RPH3A: variants seen among roughly 807,000 people sequenced by gnomAD.
The protein encoded by RPH3A is rabphilin-3A.
A neutral mutation model predicts 102.2 loss-of-function variants in RPH3A; 48 were observed. That is an observed-to-expected ratio of 0.47 (90% confidence interval 0.37 to 0.60). The LOEUF (loss-of-function observed/expected upper bound fraction) is 0.60, where lower values mean the gene tolerates loss of function less well. Ranked by LOEUF, RPH3A falls within the 20% of genes least tolerant of loss-of-function variation. RPH3A has a pLI of 0.00. For missense variants in RPH3A, 781 were observed against 910.1 expected (o/e 0.86, Z 1.83); for synonymous variants, 310 against 324.3 (o/e 0.96, Z 0.47).
At chr12:112,674,093 T>C (rs539928251) in intron 1 of RPH3A, among the ~76,000 whole-genome samples, 1 of 152,296 alleles carries the variant, frequency 6.6e-6, no homozygotes, top group East Asian at 1.9e-4. Context: ...GGTCTCTGTT[T>C]GTCACCCAGG....
At chr12:112,894,723 A>G (rs1019527988) in intron 20 of RPH3A, 64 bp downstream of exon 20, 1 of 1,339,984 alleles carries the variant, frequency 7.5e-7, no homozygotes, top group East Asian at 2.4e-5. Context: ...AGGCACAAAT[A>G]GCCACATAGC....
At chr12:112,881,667 T>G (rs1398018767) in intron 14 of RPH3A, 105 bp from the exon 15 acceptor site, 3 of 711,308 alleles carry the variant, frequency 4.2e-6, no homozygotes, top group African/African-American at 3.6e-5. Flanking sequence ...GCACACAGCG[T>G]GGACCAACAG....
chr12:112,608,638 A>G (rs2039616564), intron 1 of RPH3A, among the ~76,000 whole-genome samples: 2 of 152,130 alleles, frequency 1.3e-5, no homozygotes, highest in South Asian at 4.1e-4. Flanking sequence ...AGAAATGCAA[A>G]CCTTCTTGTA....
At chr12:112,662,051 A>T (rs2040052348) in intron 1 of RPH3A, among the ~76,000 whole-genome samples, 2 of 152,184 alleles carry the variant, frequency 1.3e-5, no homozygotes, top group Non-Finnish European at 2.9e-5. Flanking sequence ...CAGTAGGGAC[A>T]AGGGAGGACA....
rs1332920926 is a variant in RPH3A, at chr12:112,828,333, G to A, written c.15G>A (p.Val5=). The change falls in exon 3 of 22, where the codon GTG becomes GTA. Residue 5 remains valine, a synonymous_variant. Coordinates refer to ENST00000389385, the MANE Select transcript of RPH3A (RefSeq NM_001143854.2). MTDT[V]FSNSSNRWMY... ...AGACATCTACTATGACTGACACCGT[G>A]TTCAGCAACAGTTCTAACCGTTGGA... 7 of 1,611,584 alleles carry A rather than the reference G, an allele frequency of 4.3e-6. No homozygotes were observed. Among genetic ancestry groups the A allele is most frequent in the Non-Finnish European group, 4.2e-6 (5 of 1,178,882 alleles).
intron 1 of RPH3A, among the ~76,000 whole-genome samples, chr12:112,598,367 G>A (rs2039533331): frequency 3.3e-5 from 5 of 152,190 alleles, no homozygotes. Context: ...GACATCAGTA[G>A]TGTGGGCTAT....
chr12:112,841,191 A>AAAAAAAAAAAAAAAAAAAT (rs2042136612), intron 4 of RPH3A, among the ~76,000 whole-genome samples: 1 of 150,198 alleles, frequency 6.7e-6, no homozygotes, highest in Admixed American at 6.6e-5. Flanking sequence ...AAAAAAAAAA[A>AAAAAAAAAAAAAAAAAAAT]AAAGCCTCGT....
chr12:112,580,770 CT>C (rs1356287884), intron 1 of RPH3A, among the ~76,000 whole-genome samples: 1 of 152,102 alleles, frequency 6.6e-6, no homozygotes, highest in Non-Finnish European at 1.5e-5. Context: ...CTAGTTTGCA[CT>C]TTAATGTAGT....
intron 1 of RPH3A, among the ~76,000 whole-genome samples, chr12:112,661,226 G>A (rs1361736185): frequency 6.6e-6 from 1 of 152,120 alleles, no homozygotes; most frequent in African/African-American, 2.4e-5. Flanking sequence ...GATCTTGGGT[G>A]CCTCACTTAG....
intron 3 of RPH3A, among the ~76,000 whole-genome samples, chr12:112,834,091 C>T (rs2042013199): frequency 1.3e-5 from 2 of 152,154 alleles, no homozygotes; most frequent in Non-Finnish European, 1.5e-5. Flanking sequence ...CCATCCATTG[C>T]CAAAACTTCT....
chr12:112,853,024 G>A (rs1268776199), intron 5 of RPH3A, among the ~76,000 whole-genome samples: 1 of 152,218 alleles, frequency 6.6e-6, no homozygotes, highest in Non-Finnish European at 1.5e-5. Flanking sequence ...ACGCCGTGAT[G>A]GAGGAGGAAG....
chr12:112,711,387 C>G (rs750408656), intron 1 of RPH3A, among the ~76,000 whole-genome samples: 4 of 151,878 alleles, frequency 2.6e-5, no homozygotes, highest in Admixed American at 6.6e-5. Flanking sequence ...TTCCTTAAAG[C>G]CTTGAGAAGA....
intron 5 of RPH3A, among the ~76,000 whole-genome samples, chr12:112,853,114 G>A (rs1353237879): frequency 6.6e-6 from 1 of 152,088 alleles, no homozygotes; most frequent in Non-Finnish European, 1.5e-5. Context: ...CTGTGTTTTT[G>A]GCATATATTT....
intron 1 of RPH3A, among the ~76,000 whole-genome samples, chr12:112,763,448 T>C (rs139295114): frequency 6.6e-6 from 1 of 152,302 alleles, no homozygotes; most frequent in Non-Finnish European, 1.5e-5. Context: ...GAGATGTACA[T>C]TGGTTAGGTC....
At chr12:112,874,253 A>G (rs1156699631) in intron 10 of RPH3A, 1 of 152,230 alleles carries the variant, frequency 6.6e-6, no homozygotes, top group Non-Finnish European at 1.5e-5. Context: ...TCTCTGGGAA[A>G]CAACAGCATG....
chr12:112,866,171 T>C (rs2042608573), intron 6 of RPH3A, among the ~76,000 whole-genome samples: 2 of 152,238 alleles, frequency 1.3e-5, no homozygotes, highest in African/African-American at 4.8e-5. Context: ...CATCTCCAGC[T>C]TGATGTCACA....
chr12:112,830,017 T>C (rs1472183291), intron 3 of RPH3A, among the ~76,000 whole-genome samples: 1 of 152,190 alleles, frequency 6.6e-6, no homozygotes, highest in African/African-American at 2.4e-5. Context: ...AATATCACCC[T>C]GTCATTTACT....
At chr12:112,689,850 A>G (rs1046355563) in intron 1 of RPH3A, among the ~76,000 whole-genome samples, 15 of 152,234 alleles carry the variant, frequency 9.9e-5, no homozygotes, top group Non-Finnish European at 1.8e-4. Flanking sequence ...TGTAAAAGCA[A>G]ATAAGGTAAT....
chr12:112,866,247 C>A (rs765465724), intron 6 of RPH3A, among the ~76,000 whole-genome samples: 2 of 152,166 alleles, frequency 1.3e-5, no homozygotes, highest in Admixed American at 6.5e-5. Context: ...AACTCGATAG[C>A]GAGAATTTTG....
Sources: allele counts gnomAD v4.1 joint callset (sites outside exome capture counted in the v4.1 genomes callset), GRCh38; gene constraint gnomAD v4.1.1; transcripts MANE v1.5; gene names NCBI Gene and HGNC (gene_info 2026-07-23, HGNC 2026-07-21).